The following RANBP2 variants were observed in gnomAD, a reference collection of about 807,000 sequenced individuals.
RANBP2 encodes the protein E3 SUMO-protein ligase RanBP2.
A neutral mutation model predicts 303.6 loss-of-function variants in RANBP2; 57 were observed. The ratio of observed to expected loss-of-function variants is 0.19; its 90% CI spans 0.15 to 0.23. The LOEUF is 0.23. Among genes scored for constraint, RANBP2 ranks in the 10% least tolerant of loss-of-function variants. The pLI is 1.00. For missense variants in RANBP2, 3,138 were observed against 3,780.8 expected (o/e 0.83, Z 4.46); for synonymous variants, 1,167 against 1,301.5 (o/e 0.90, Z 2.23).
At chr2:109,295,190 A>C in the RANBP2 span, among the ~76,000 whole-genome samples, 8 of 152,336 alleles carry the variant, frequency 5.3e-5, no homozygotes, top group East Asian at 5.8e-4. Context: ...ACCCCTGTCC[A>C]GTGATGAGCG....
the RANBP2 span, chr2:109,544,532 A>T: frequency 1.0e-6 from 1 of 984,458 alleles, no homozygotes; most frequent in Non-Finnish European, 1.2e-6. Flanking sequence ...TGATTTTGCA[A>T]ACAACAGCAG....
the RANBP2 span, chr2:109,613,965 G>A: frequency 6.6e-6 from 8 of 1,205,112 alleles, no homozygotes; most frequent in African/African-American, 9.5e-5. Context: ...GACGGGGAAG[G>A]GACAGGGGCG....
the RANBP2 span, among the ~76,000 whole-genome samples, chr2:109,559,377 C>T: frequency 6.6e-6 from 1 of 152,172 alleles, no homozygotes; most frequent in African/African-American, 2.4e-5. Flanking sequence ...CAATAGTGAG[C>T]CACTGCTCCC....
chr2:108,881,727 G>A, the RANBP2 span, among the ~76,000 whole-genome samples: 1 of 152,224 alleles, frequency 6.6e-6, no homozygotes, highest in African/African-American at 2.4e-5. Flanking sequence ...GAGATCCAAG[G>A]AGAGGGAGAG....
the RANBP2 span, among the ~76,000 whole-genome samples, chr2:109,420,602 C>T: frequency 7.2e-5 from 11 of 152,210 alleles, no homozygotes; most frequent in South Asian, 8.3e-4. Context: ...CCAGCCACCA[C>T]GCCTGGCTAA....
the RANBP2 span, among the ~76,000 whole-genome samples, chr2:109,142,562 C>T: frequency 6.6e-6 from 1 of 152,176 alleles, no homozygotes; most frequent in South Asian, 2.1e-4. Flanking sequence ...CTGCTCTCCC[C>T]AGTGGCTGAG....
At chr2:109,608,488 C>T in the RANBP2 span, among the ~76,000 whole-genome samples, 1 of 152,162 alleles carries the variant, frequency 6.6e-6, no homozygotes, top group African/African-American at 2.4e-5. Context: ...CACATTTCTA[C>T]CTTATCTTTG....
intron 1 of RANBP2, among the ~76,000 whole-genome samples, chr2:108,721,652 GCC>G (rs1465667334): frequency 6.6e-6 from 1 of 152,048 alleles, no homozygotes; most frequent in African/African-American, 2.4e-5. Flanking sequence ...TCACCATGTT[GCC>G]CAGGCTGTTC....
the RANBP2 span, among the ~76,000 whole-genome samples, chr2:109,379,631 C>T: frequency 3.7e-4 from 56 of 152,304 alleles, 1 homozygote; most frequent in Admixed American, 7.8e-4. Flanking sequence ...TCTTGCTTTT[C>T]GTCATCCTCT....
chr2:108,937,869 G>A, the RANBP2 span, among the ~76,000 whole-genome samples: 1 of 152,214 alleles, frequency 6.6e-6, no homozygotes, highest in Non-Finnish European at 1.5e-5. Context: ...CTGAGCCCTC[G>A]GGTGGGGCCT....
the RANBP2 span, chr2:109,419,640 C>A: frequency 2.5e-6 from 4 of 1,573,342 alleles, no homozygotes; most frequent in East Asian, 4.7e-5. Context: ...TGCCCCTCAA[C>A]GTGTGAGCTG....
At chr2:108,731,259 A>G (rs1162992492) in intron 3 of RANBP2, 63 bp from the exon 4 acceptor site, 83 of 1,572,800 alleles carry the variant, frequency 5.3e-5, no homozygotes, top group Non-Finnish European at 6.9e-5. Context: ...ATATAAGTAT[A>G]TATACTCCTA....
At chr2:108,962,157 C>G in the RANBP2 span, among the ~76,000 whole-genome samples, 1 of 152,200 alleles carries the variant, frequency 6.6e-6, no homozygotes, top group African/African-American at 2.4e-5. Context: ...GGCAGCCTCT[C>G]AGCCTTTCCT....
At chr2:109,721,356 G>A in the RANBP2 span, among the ~76,000 whole-genome samples, 2 of 152,180 alleles carry the variant, frequency 1.3e-5, no homozygotes, top group Non-Finnish European at 2.9e-5. Flanking sequence ...AACACAGGAC[G>A]TGTGATTTGT....
the RANBP2 span, among the ~76,000 whole-genome samples, chr2:109,427,118 G>A: frequency 7.2e-5 from 11 of 152,146 alleles, no homozygotes; most frequent in Admixed American, 7.2e-4. Context: ...GCAGGTGCCT[G>A]CCACCACACT....
the RANBP2 span, among the ~76,000 whole-genome samples, chr2:109,153,825 C>T: frequency 6.6e-6 from 1 of 152,262 alleles, no homozygotes; most frequent in Non-Finnish European, 1.5e-5. Context: ...AGATTTCCTG[C>T]AGACCTGCTT....
At chr2:109,383,691 T>C in the RANBP2 span, among the ~76,000 whole-genome samples, 1 of 152,186 alleles carries the variant, frequency 6.6e-6, no homozygotes, top group African/African-American at 2.4e-5. Flanking sequence ...TTCATTTCGT[T>C]GCTGCTCAAC....
the RANBP2 span, among the ~76,000 whole-genome samples, chr2:108,860,935 C>CT: frequency 0.11 from 4,296 of 37,700 alleles, 781 homozygotes; most frequent in African/African-American, 0.3. Context: ...TGGTCCAGGA[C>CT]TTTTTTTTTT....
chr2:108,830,732 C>G, the RANBP2 span, among the ~76,000 whole-genome samples: 1 of 152,078 alleles, frequency 6.6e-6, no homozygotes, highest in South Asian at 2.1e-4. Context: ...CGCTTGAACC[C>G]AGGAGGCAGA....
Sources: gnomAD v4.1 joint callset for allele counts (sites outside exome capture counted in the v4.1 genomes callset) on GRCh38, gnomAD v4.1.1 for gene constraint, MANE v1.5 for transcripts, NCBI Gene and HGNC (gene_info 2026-07-23, HGNC 2026-07-21) for gene names.